BNC2: variants seen among roughly 807,000 people sequenced by gnomAD.
BNC2 encodes the protein zinc finger protein basonuclin-2.
Under a neutral mutation model 76.3 loss-of-function variants are expected in BNC2, and 20 were observed. That is an observed-to-expected ratio of 0.26 (90% CI 0.18 to 0.38). The LOEUF is 0.38. Ranked by LOEUF, BNC2 falls within the 10% of genes least tolerant of loss-of-function variation. The probability of loss-of-function intolerance (pLI) is 1.00; values close to 1 mark genes in which losing one functional copy is unlikely to be tolerated. For missense variants in BNC2, 1,382 were observed against 1,399.8 expected (o/e 0.99, Z 0.20); for synonymous variants, 582 against 514.8 (o/e 1.13, Z -1.77).
intron 3 of BNC2, among the ~76,000 whole-genome samples, chr9:16,700,886 G>C (rs1823490037): frequency 2.0e-5 from 3 of 152,126 alleles, no homozygotes; most frequent in Admixed American, 2.0e-4. Context: ...AGACTTTCTT[G>C]AACCTGAGAT....
chr9:16,714,535 T>A (rs896510153), intron 3 of BNC2, among the ~76,000 whole-genome samples: 2 of 152,240 alleles, frequency 1.3e-5, no homozygotes, highest in African/African-American at 4.8e-5. Context: ...ATATCTGACT[T>A]ACTCTAACAC....
intron 5 of BNC2, among the ~76,000 whole-genome samples, chr9:16,464,033 A>T (rs1821648399): frequency 6.7e-6 from 1 of 149,674 alleles, no homozygotes. Context: ...GGCAGAGGTT[A>T]CAGTGAGCCA....
intron 5 of BNC2, among the ~76,000 whole-genome samples, chr9:16,444,300 A>G (rs754410943): frequency 6.6e-6 from 1 of 152,120 alleles, no homozygotes; most frequent in Non-Finnish European, 1.5e-5. Context: ...CATGCTCACA[A>G]ATTTTTACTA....
intron 1 of BNC2, among the ~76,000 whole-genome samples, chr9:16,808,784 C>T (rs935242694): frequency 6.6e-6 from 1 of 151,616 alleles, no homozygotes; most frequent in Admixed American, 6.6e-5. Flanking sequence ...ACCTGGGTAG[C>T]AAAATAAACA....
intron 3 of BNC2, among the ~76,000 whole-genome samples, chr9:16,654,562 A>G (rs1435837794): frequency 6.6e-6 from 1 of 152,208 alleles, no homozygotes; most frequent in African/African-American, 2.4e-5. Flanking sequence ...AACAGCCATT[A>G]AACAATTTAA....
At chr9:16,832,176 C>A (rs558611853) in intron 1 of BNC2, 2 of 709,418 alleles carry the variant, frequency 2.8e-6, no homozygotes, top group African/African-American at 3.8e-5. Flanking sequence ...TTCATTCATG[C>A]GCCCTTATTA....
intron 3 of BNC2, among the ~76,000 whole-genome samples, chr9:16,640,972 C>T (rs1010218154): frequency 1.3e-5 from 2 of 152,118 alleles, no homozygotes; most frequent in African/African-American, 4.8e-5. Flanking sequence ...AGTTAAGACA[C>T]CATCACTGTG....
intron 5 of BNC2, among the ~76,000 whole-genome samples, chr9:16,495,106 G>C (rs1822359778): frequency 6.6e-6 from 1 of 152,168 alleles, no homozygotes; most frequent in Admixed American, 6.5e-5. Flanking sequence ...TCAGTTAAGA[G>C]GTTCTGCAGA....
chr9:16,866,618 C>T (rs1223825958), intron 1 of BNC2, among the ~76,000 whole-genome samples: 2 of 145,474 alleles, frequency 1.4e-5, no homozygotes, highest in South Asian at 2.2e-4. Context: ...GCTTAGCTGA[C>T]GCCTTGACTG....
At chr9:16,585,587 G>A (rs1353878187) in intron 3 of BNC2, among the ~76,000 whole-genome samples, 7 of 152,094 alleles carry the variant, frequency 4.6e-5, no homozygotes, top group Admixed American at 6.5e-5. Context: ...GACTATTGCC[G>A]CTTCAAAGGA....
At position 16,662,723 on chromosome 9, in the gene BNC2, G is replaced by C. The variant is rs567596841; in HGVS notation, c.330+65074C>G. The stretch of plus-strand genomic sequence containing the variant: ...TGCACTCCAGCCTGGGTGACAGAGT[G>C]AGACTGTCTCAAAAAATAAAATAAA... On this transcript the variant is annotated intron_variant, in intron 3 of 6. Transcript: ENST00000380672. Among the ~76,000 whole-genome samples, 515 of 152,030 alleles carry C rather than the reference G, an allele frequency of 3.4e-3. 2 individuals carry two copies. Among genetic ancestry groups the C allele is most frequent in the Non-Finnish European group, 4.7e-3 (321 of 67,982 alleles).
rs368434880 is a variant in BNC2, at chr9:16,697,984, T to C, written c.330+29813A>G. Among the ~76,000 whole-genome samples, 13 of 152,188 alleles carry C rather than the reference T, an allele frequency of 8.5e-5. No homozygotes were observed. In the East Asian group the frequency reaches 1.9e-3, roughly 23 times the overall value. ...GGGATAAATTTTCATCCCAAATTAG[T>C]TTCTACTTAGTTTCAAGTCCAGGGT... is the stretch of plus-strand genomic sequence containing the variant. On this transcript the variant is annotated intron_variant, in intron 3 of 6. Coordinates refer to ENST00000380672, the MANE Select transcript of BNC2 (RefSeq NM_017637.6).
chr9:16,488,312 T>C (rs1822207855), intron 5 of BNC2, among the ~76,000 whole-genome samples: 1 of 152,226 alleles, frequency 6.6e-6, no homozygotes, highest in African/African-American at 2.4e-5. Context: ...GTCTGTTTTC[T>C]GCTCTAGAGA....
chr9:16,427,378 G>A (rs766136518), intron 6 of BNC2, among the ~76,000 whole-genome samples: 3 of 152,156 alleles, frequency 2.0e-5, no homozygotes, highest in Non-Finnish European at 4.4e-5. Context: ...TGATATGTGT[G>A]TTTCCAGCAG....
At chr9:16,430,607 T>C (rs1212028183) in intron 6 of BNC2, among the ~76,000 whole-genome samples, 1 of 152,182 alleles carries the variant, frequency 6.6e-6, no homozygotes, top group African/African-American at 2.4e-5. Flanking sequence ...CTGTCGTTAA[T>C]GTATGCAGTG....
intron 3 of BNC2, among the ~76,000 whole-genome samples, chr9:16,665,454 GAAAGAAAGAAA>G (rs1563887951): frequency 8.7e-6 from 1 of 114,292 alleles, no homozygotes; most frequent in Non-Finnish European, 1.7e-5. Context: ...AAGAAAGAAA[GAAAGAAAGAAA>G]GAAAGAAAGA....
chr9:16,798,316 G>C (rs1360304078), intron 1 of BNC2, among the ~76,000 whole-genome samples: 1 of 152,156 alleles, frequency 6.6e-6, no homozygotes, highest in Non-Finnish European at 1.5e-5. Context: ...TGTGAACTCA[G>C]GGACTTTATC....
chr9:16,650,330 G>A (rs1429077091), intron 3 of BNC2, among the ~76,000 whole-genome samples: 2 of 152,162 alleles, frequency 1.3e-5, no homozygotes, highest in Non-Finnish European at 2.9e-5. Flanking sequence ...TTGTGTCTCA[G>A]TGTAGGCAGG....
intron 1 of BNC2, among the ~76,000 whole-genome samples, chr9:16,796,020 G>T (rs868719994): frequency 2.6e-5 from 4 of 152,124 alleles, no homozygotes; most frequent in Non-Finnish European, 5.9e-5. Flanking sequence ...GACAATTTAC[G>T]CAGTCTCAAA....
Sources: gnomAD v4.1 joint callset for allele counts (sites outside exome capture counted in the v4.1 genomes callset) on GRCh38, gnomAD v4.1.1 for gene constraint, MANE v1.5 for transcripts, NCBI Gene and HGNC (gene_info 2026-07-23, HGNC 2026-07-21) for gene names.